The following STRA6 variants were observed in gnomAD, a reference collection of about 807,000 sequenced individuals.
STRA6 encodes receptor for retinol uptake STRA6.
Under a neutral mutation model 83.6 loss-of-function variants are expected in STRA6, and 48 were observed. The ratio of observed to expected loss-of-function variants is 0.57; its 90% CI spans 0.46 to 0.73. STRA6 has a LOEUF of 0.73. Among genes scored for constraint, STRA6 ranks in the 30% least tolerant of loss-of-function variants. STRA6 has a pLI of 0.00. For synonymous variants in STRA6, 353 were observed against 362.3 expected (o/e 0.97, Z 0.29); for missense variants, 760 against 838.8 (o/e 0.91, Z 1.16).
At chr15:74,195,909 C>T in intron 5 of STRA6, 99 bp downstream of exon 5, 15 of 1,532,476 alleles carry the variant, frequency 9.8e-6, no homozygotes, top group South Asian at 2.4e-5. Flanking sequence ...GACAGCTGTT[C>T]CTGTTACTCT....
chr15:74,210,135 G>T (rs1347248302), upstream of STRA6, among the ~76,000 whole-genome samples: 2 of 152,212 alleles, frequency 1.3e-5, no homozygotes. Flanking sequence ...TGGAGAAGAG[G>T]ATTTTTAGTT....
rs146154504 is a variant in STRA6 at position 74,194,219 on chromosome 15, T to G, written c.598-297A>C. On this transcript the variant is annotated intron_variant, in intron 7 of 18. Coordinates refer to ENST00000395105, the MANE Select transcript of STRA6 (RefSeq NM_022369.4). ...CCTGCCCCCCACTGGAAAGGACACC[T>G]CTTTCTGTTTCTGTGTTCCCGGAGC... 3.9e-3 allele frequency among the ~76,000 whole-genome samples: 593 copies of G among 152,268 alleles called. 1 individual carries two copies. Among genetic ancestry groups the G allele is most frequent in the African/African-American group, 0.014 (570 of 41,550 alleles).
intron 7 of STRA6, 87 bp from the exon 8 acceptor site, chr15:74,194,009 TG>T (rs907169072): frequency 1.3e-6 from 2 of 1,577,386 alleles, no homozygotes; most frequent in African/African-American, 2.7e-5. Context: ...CACCTCACAC[TG>T]GGCCCTGAGG....
intron 2 of STRA6, among the ~76,000 whole-genome samples, chr15:74,199,265 T>C (rs2073953881): frequency 6.6e-6 from 1 of 152,206 alleles, no homozygotes; most frequent in Admixed American, 6.5e-5. Flanking sequence ...CTGCTCGCTT[T>C]CTCTCAGGAA....
At chr15:74,206,489 C>T (rs1351672111), upstream of STRA6, among the ~76,000 whole-genome samples, 1 of 152,204 alleles carries the variant, frequency 6.6e-6, no homozygotes, top group Non-Finnish European at 1.5e-5. Context: ...TGATGTGCCC[C>T]TGAAGAATTT....
intron 4 of STRA6, among the ~76,000 whole-genome samples, chr15:74,196,828 C>T (rs187018013): frequency 3.1e-4 from 47 of 152,336 alleles, no homozygotes; most frequent in East Asian, 2.3e-3. Flanking sequence ...TTTGGTCTCT[C>T]GCACACTAGC....
intron 6 of STRA6, 38 bp from the exon 7 acceptor site, chr15:74,195,506 G>A: frequency 1.9e-6 from 3 of 1,606,796 alleles, no homozygotes; most frequent in Non-Finnish European, 2.5e-6. Flanking sequence ...CATGCTGGAG[G>A]GGCAGACATG....
intron 9 of STRA6, 21 bp from the exon 10 acceptor site, chr15:74,191,264 G>GT (rs2073522715): frequency 6.2e-7 from 1 of 1,613,042 alleles, no homozygotes; most frequent in East Asian, 2.2e-5. Flanking sequence ...ACCCAGGCAG[G>GT]TGCGGGGTCC....
upstream of STRA6, among the ~76,000 whole-genome samples, chr15:74,205,074 T>C (rs2074230634): frequency 6.6e-6 from 1 of 152,022 alleles, no homozygotes; most frequent in Non-Finnish European, 1.5e-5. Context: ...TGGTAGGGCT[T>C]AGGGGAGACA....
upstream of STRA6, among the ~76,000 whole-genome samples, chr15:74,211,335 G>A (rs574718332): frequency 3.6e-3 from 537 of 149,922 alleles, 6 homozygotes; most frequent in Non-Finnish European, 4.9e-3. Flanking sequence ...TACTCTGTCT[G>A]ATAACACAGC....
intron 9 of STRA6, 66 bp downstream of exon 9, chr15:74,191,358 C>T: frequency 1.2e-6 from 2 of 1,608,658 alleles, no homozygotes; most frequent in African/African-American, 1.3e-5. Context: ...CCAGTGCCAG[C>T]TTCCCAAGCA....
Position 74,194,294 on chromosome 15 carries a change from T to C in STRA6, c.598-372A>G, listed in dbSNP as rs181417591. ...ACGAAAGCCTGCCTTTGCCTACATA[T>C]AGTTTTCAACCTGAGCATCAGGAAA... On this transcript the variant is annotated intron_variant, in intron 7 of 18. Coordinates refer to ENST00000395105, the MANE Select transcript of STRA6 (RefSeq NM_022369.4). 4.3e-5 allele frequency: 48 copies of C among 1,112,632 alleles called. No homozygotes were observed. The East Asian group carries it at 5.3e-4, about 12-fold the overall frequency. 68.9% of individuals were successfully genotyped at this position (1,112,632 alleles called of 1,614,324 possible).
At chr15:74,180,535 G>A (rs944813031) in intron 18 of STRA6, among the ~76,000 whole-genome samples, 2 of 152,170 alleles carry the variant, frequency 1.3e-5, no homozygotes, top group African/African-American at 4.8e-5. Flanking sequence ...GGGCAGTGAC[G>A]GAGCCCCTTA....
chr15:74,211,910 ACTCT>A, upstream of STRA6, among the ~76,000 whole-genome samples: 1 of 138,602 alleles, frequency 7.2e-6, no homozygotes, highest in South Asian at 2.4e-4. Context: ...TCTCTCTATC[ACTCT>A]CTCTGTTGTT....
chr15:74,181,594 C>G (rs182445670), intron 16 of STRA6, 136 bp from the exon 17 acceptor site: 1 of 1,228,138 alleles, frequency 8.1e-7, no homozygotes. Flanking sequence ...TCTGTGCACC[C>G]CACCCTGGGC....
At chr15:74,194,773 ATTCACACTCAGGTTGTCTGGCTCT>A in intron 7 of STRA6, 1 of 1,271,114 alleles carries the variant, frequency 7.9e-7, no homozygotes, top group Non-Finnish European at 9.9e-7. Flanking sequence ...GTGAAGCTGG[ATTCACACTCAGGTTGTCTGGCTCT>A]AAAGCCTGTA....
chr15:74,204,478 C>A (rs1352038313), upstream of STRA6, among the ~76,000 whole-genome samples: 1 of 152,242 alleles, frequency 6.6e-6, no homozygotes, highest in South Asian at 2.1e-4. Context: ...GGCCAGCAAG[C>A]CCTTCCCTGC....
chr15:74,201,828 T>C (rs1238012727), intron 2 of STRA6, among the ~76,000 whole-genome samples: 1 of 152,064 alleles, frequency 6.6e-6, no homozygotes, highest in Non-Finnish European at 1.5e-5. Context: ...CAGCAGCTTC[T>C]CCATCCTGGC....
At chr15:74,208,029 C>A in intron 1 of STRA6, 1 of 1,366,712 alleles carries the variant, frequency 7.3e-7, no homozygotes, top group Non-Finnish European at 9.5e-7. Context: ...CTCATGCCCC[C>A]CTCACCAACA....
Sources: allele counts gnomAD v4.1 joint callset (sites outside exome capture counted in the v4.1 genomes callset), GRCh38; gene constraint gnomAD v4.1.1; transcripts MANE v1.5; gene names NCBI Gene and HGNC (gene_info 2026-07-23, HGNC 2026-07-21).